The following OSBPL1A variants were observed in gnomAD, a reference collection of about 807,000 sequenced individuals.
OSBPL1A encodes oxysterol-binding protein-related protein 1.
A neutral mutation model predicts 137.1 loss-of-function variants in OSBPL1A; 80 were observed. The observed-to-expected ratio is 0.58, with a 90% CI of 0.49 to 0.70. The LOEUF (loss-of-function observed/expected upper bound fraction) is 0.70, where lower values mean the gene tolerates loss of function less well. Ranked by LOEUF, OSBPL1A falls within the 30% of genes least tolerant of loss-of-function variation. The pLI, the probability that OSBPL1A is intolerant of heterozygous loss-of-function variation, is 0.00. For missense variants in OSBPL1A, 970 were observed against 1,129.4 expected (o/e 0.86, Z 2.02); for synonymous variants, 365 against 389.7 (o/e 0.94, Z 0.75).
chr18:24,364,666 A>C (rs571613758), intron 4 of OSBPL1A: 2 of 151,974 alleles, frequency 1.3e-5, no homozygotes, highest in South Asian at 4.2e-4. Flanking sequence ...CTCAGTCCAG[A>C]TTCCACAGAT....
chr18:24,334,133 G>A, intron 6 of OSBPL1A, 112 bp downstream of exon 6: 1 of 766,168 alleles, frequency 1.3e-6, no homozygotes. Context: ...GATCTCTGGA[G>A]TTCTTGGTTC....
chr18:24,165,399 GAAC>G, intron 26 of OSBPL1A, among the ~76,000 whole-genome samples: 1 of 152,234 alleles, frequency 6.6e-6, no homozygotes, highest in Non-Finnish European at 1.5e-5. Flanking sequence ...ACCTGGCCAA[GAAC>G]AACGTGTTTA....
chr18:24,188,416 G>A (rs17797779), intron 18 of OSBPL1A, among the ~76,000 whole-genome samples: 5,256 of 152,320 alleles, frequency 0.035, 120 homozygotes, highest in Middle Eastern at 0.088. Context: ...GGAGACCAAG[G>A]CACAAAGGAT....
At chr18:24,232,379 C>T (rs889972558) in intron 16 of OSBPL1A, among the ~76,000 whole-genome samples, 2 of 152,212 alleles carry the variant, frequency 1.3e-5, no homozygotes, top group Non-Finnish European at 2.9e-5. Context: ...GACAGATCCT[C>T]TCTGAATGAT....
At chr18:24,174,976 A>C (rs1335866189) in intron 21 of OSBPL1A, among the ~76,000 whole-genome samples, 1 of 150,630 alleles carries the variant, frequency 6.6e-6, no homozygotes, top group Non-Finnish European at 1.5e-5. Context: ...ACGGATTTTC[A>C]CTATGTTGCC....
chr18:24,208,338 T>C (rs2145963260), intron 17 of OSBPL1A, among the ~76,000 whole-genome samples: 1 of 152,328 alleles, frequency 6.6e-6, no homozygotes, highest in South Asian at 2.1e-4. Flanking sequence ...ACAAGTCTAT[T>C]CTTTAAACAA....
chr18:24,293,036 C>T (rs1244228397), intron 14 of OSBPL1A, among the ~76,000 whole-genome samples: 2 of 129,740 alleles, frequency 1.5e-5, no homozygotes, highest in East Asian at 2.7e-4. Flanking sequence ...AACCTGGGGG[C>T]GGAGGTTGCA....
chr18:24,310,349 G>A (rs889579920), intron 13 of OSBPL1A, among the ~76,000 whole-genome samples: 1 of 151,168 alleles, frequency 6.6e-6, no homozygotes, highest in African/African-American at 2.4e-5. Flanking sequence ...AGCACTTTGC[G>A]GGGACGAGGC....
chr18:24,323,295 G>A (rs1247650748), intron 7 of OSBPL1A, among the ~76,000 whole-genome samples: 3 of 152,002 alleles, frequency 2.0e-5, no homozygotes, highest in South Asian at 4.1e-4. Flanking sequence ...GCTCATGCCT[G>A]TAATCCCAGC....
chr18:24,338,053 T>C (rs944369447), intron 5 of OSBPL1A, among the ~76,000 whole-genome samples: 8 of 150,916 alleles, frequency 5.3e-5, no homozygotes, highest in Admixed American at 5.3e-4. Context: ...AACTTTCCCA[T>C]AGATTAGAAA....
chr18:24,208,064 ATAATT>A (rs1315105060), intron 17 of OSBPL1A, among the ~76,000 whole-genome samples: 2 of 152,350 alleles, frequency 1.3e-5, no homozygotes, highest in East Asian at 3.8e-4. Flanking sequence ...CAATTTAAAT[ATAATT>A]TAATGACACA....
At chr18:24,354,374 G>A (rs1026927525) in intron 4 of OSBPL1A, among the ~76,000 whole-genome samples, 15 of 152,114 alleles carry the variant, frequency 9.9e-5, no homozygotes, top group Admixed American at 6.6e-5. Flanking sequence ...GAGAGAACCC[G>A]CTGAGGCACA....
chr18:24,194,896 G>A (rs1037681979), intron 18 of OSBPL1A, among the ~76,000 whole-genome samples: 1 of 152,090 alleles, frequency 6.6e-6, no homozygotes, highest in African/African-American at 2.4e-5. Flanking sequence ...TCTCCATGCA[G>A]GAGTCAAAAA....
chr18:24,385,423 A>G (rs1481054764), intron 1 of OSBPL1A, among the ~76,000 whole-genome samples: 19 of 152,200 alleles, frequency 1.2e-4, no homozygotes, highest in Admixed American at 1.2e-3. Context: ...TAATTTAAAT[A>G]GTGGGAGTTA....
intron 1 of OSBPL1A, among the ~76,000 whole-genome samples, chr18:24,384,544 G>T: frequency 6.6e-6 from 1 of 150,774 alleles, no homozygotes; most frequent in South Asian, 2.1e-4. Context: ...CTCCAGCCTG[G>T]GTGACAGAGC....
At chr18:24,274,063 G>A (rs910929782) in intron 15 of OSBPL1A, among the ~76,000 whole-genome samples, 2 of 151,802 alleles carry the variant, frequency 1.3e-5, no homozygotes, top group East Asian at 1.9e-4. Context: ...GTAAAACCCC[G>A]TTTCTACTAA....
intron 1 of OSBPL1A, among the ~76,000 whole-genome samples, chr18:24,386,193 A>G (rs541311412): frequency 1.3e-5 from 2 of 152,330 alleles, no homozygotes; most frequent in African/African-American, 4.8e-5. Flanking sequence ...CAATACAGTC[A>G]TAGAGATTGT....
intron 14 of OSBPL1A, among the ~76,000 whole-genome samples, chr18:24,283,603 G>T (rs2146077784): frequency 6.6e-6 from 1 of 152,078 alleles, no homozygotes; most frequent in Non-Finnish European, 1.5e-5. Flanking sequence ...CTTAAATAGT[G>T]CCTGAACAGA....
At chr18:24,379,633 C>T (rs1748501160) in intron 1 of OSBPL1A, among the ~76,000 whole-genome samples, 2 of 151,686 alleles carry the variant, frequency 1.3e-5, no homozygotes, top group African/African-American at 4.8e-5. Context: ...TTTGGCAGGC[C>T]GAGGTGGTAG....
Sources: gnomAD v4.1 joint callset for allele counts (sites outside exome capture counted in the v4.1 genomes callset) on GRCh38, gnomAD v4.1.1 for gene constraint, MANE v1.5 for transcripts, NCBI Gene and HGNC (gene_info 2026-07-23, HGNC 2026-07-21) for gene names.